The following OSBPL9 variants were observed in gnomAD, a reference collection of about 807,000 sequenced individuals.
OSBPL9 encodes oxysterol-binding protein-related protein 9.
Under a neutral mutation model 106.6 loss-of-function variants are expected in OSBPL9, and 40 were observed. That is an observed-to-expected ratio of 0.38 (90% CI 0.29 to 0.49). The LOEUF (loss-of-function observed/expected upper bound fraction) is 0.49, where lower values mean the gene tolerates loss of function less well. Among genes scored for constraint, OSBPL9 ranks in the 20% least tolerant of loss-of-function variants. The pLI, the probability that OSBPL9 is intolerant of heterozygous loss-of-function variation, is 0.97. For synonymous variants in OSBPL9, 269 were observed against 295.4 expected, an observed-to-expected ratio of 0.91 and a Z score of 0.92; for missense variants, 609 against 887.2, an observed-to-expected ratio of 0.69 and a Z score of 3.98.
At chr1:51,616,965 G>GT, upstream of OSBPL9, 1 of 1,463,336 alleles carries the variant, frequency 6.8e-7, no homozygotes, top group South Asian at 1.4e-5. Flanking sequence ...AAGAAAGCGT[G>GT]TTTGACTTGA....
chr1:51,539,635 G>A, the OSBPL9 span, among the ~76,000 whole-genome samples: 5 of 152,108 alleles, frequency 3.3e-5, no homozygotes, highest in African/African-American at 1.2e-4. Flanking sequence ...ACAACTCCAT[G>A]AAGTAAAACC....
intron 1 of OSBPL9, among the ~76,000 whole-genome samples, chr1:51,617,895 A>G (rs991310402): frequency 2.6e-5 from 4 of 152,156 alleles, no homozygotes; most frequent in African/African-American, 4.8e-5. Flanking sequence ...GTGATAGTGC[A>G]GTGTCCCCTT....
chr1:51,721,681 A>G (rs1452052300), intron 4 of OSBPL9, among the ~76,000 whole-genome samples: 1 of 152,186 alleles, frequency 6.6e-6, no homozygotes, highest in Non-Finnish European at 1.5e-5. Flanking sequence ...TTCTCAGTAT[A>G]TAAGGATCGG....
At chr1:51,759,111 G>T (rs1256267671) in intron 9 of OSBPL9, among the ~76,000 whole-genome samples, 2 of 144,064 alleles carry the variant, frequency 1.4e-5, no homozygotes, top group African/African-American at 5.1e-5. Flanking sequence ...TTTCTTAGTT[G>T]TTTTTTTTTT....
chr1:51,745,759 A>G (rs1667845475), intron 5 of OSBPL9, 128 bp downstream of exon 5: 1 of 1,146,680 alleles, frequency 8.7e-7, no homozygotes, highest in East Asian at 3.0e-5. Flanking sequence ...TTTTTAAAGC[A>G]GACTTAAAAG....
chr1:51,702,357 G>T (rs1657464823), intron 3 of OSBPL9, among the ~76,000 whole-genome samples: 1 of 152,022 alleles, frequency 6.6e-6, no homozygotes, highest in African/African-American at 2.4e-5. Context: ...GTGTGAGATG[G>T]TATCTCATTG....
At chr1:51,722,838 G>C (rs970467077) in intron 4 of OSBPL9, among the ~76,000 whole-genome samples, 1 of 152,164 alleles carries the variant, frequency 6.6e-6, no homozygotes, top group Non-Finnish European at 1.5e-5. Context: ...TGAGACTTCT[G>C]GGAACCAGTC....
chr1:51,740,772 C>G (rs1242714184), intron 4 of OSBPL9, among the ~76,000 whole-genome samples: 3 of 152,108 alleles, frequency 2.0e-5, no homozygotes, highest in Non-Finnish European at 4.4e-5. Flanking sequence ...ACCTTATTCT[C>G]GGTTCCTCAG....
intron 1 of OSBPL9, among the ~76,000 whole-genome samples, chr1:51,589,086 T>C (rs1645260797): frequency 7.0e-6 from 1 of 142,984 alleles, no homozygotes; most frequent in South Asian, 2.2e-4. Context: ...TTTCTTTTTC[T>C]TTTCTTTTCT....
the OSBPL9 span, among the ~76,000 whole-genome samples, chr1:51,559,844 T>C: frequency 2.2e-4 from 32 of 148,776 alleles, no homozygotes; most frequent in Admixed American, 2.0e-3. Flanking sequence ...TCCTTATGTA[T>C]TAAAAAGAGA....
chr1:51,671,564 A>T (rs1041620873), intron 3 of OSBPL9, among the ~76,000 whole-genome samples: 1 of 152,234 alleles, frequency 6.6e-6, no homozygotes, highest in Admixed American at 6.5e-5. Context: ...TACAAAACAG[A>T]TAAAATTCCT....
At chr1:51,671,085 G>A (rs945926609) in intron 3 of OSBPL9, among the ~76,000 whole-genome samples, 2 of 152,196 alleles carry the variant, frequency 1.3e-5, no homozygotes, top group Admixed American at 6.5e-5. Flanking sequence ...GGATTTAAAT[G>A]ATAAGAGTTA....
chr1:51,723,207 G>C (rs1172077584), intron 4 of OSBPL9, among the ~76,000 whole-genome samples: 18 of 152,138 alleles, frequency 1.2e-4, no homozygotes, highest in Admixed American at 1.2e-3. Flanking sequence ...TGTTGTGTAT[G>C]GGTTTGGTCG....
chr1:51,689,359 T>C (rs1654497761), intron 3 of OSBPL9, among the ~76,000 whole-genome samples: 2 of 151,240 alleles, frequency 1.3e-5, no homozygotes, highest in South Asian at 4.2e-4. Flanking sequence ...CTAACAGGCA[T>C]TTTTTTTTCT....
intron 1 of OSBPL9, among the ~76,000 whole-genome samples, chr1:51,617,936 G>A (rs1296898635): frequency 6.6e-6 from 1 of 151,922 alleles, no homozygotes; most frequent in Non-Finnish European, 1.5e-5. Flanking sequence ...GGGCTTCACT[G>A]TTGTTAACAT....
At chr1:51,519,405 T>TGCCCGCCCGCCTGCCCGCCC in the OSBPL9 span, 1 of 207,466 alleles carries the variant, frequency 4.8e-6, no homozygotes, top group Non-Finnish European at 9.8e-6. Context: ...CCCGCCCGCC[T>TGCCCGCCCGCCTGCCCGCCC]GCCCGCCCGC....
intron 1 of OSBPL9, among the ~76,000 whole-genome samples, chr1:51,625,958 T>C (rs1195919160): frequency 6.6e-6 from 1 of 152,230 alleles, no homozygotes. Flanking sequence ...CACATGACAA[T>C]GTTAAAATTA....
chr1:51,705,399 ATTTT>A (rs869169566), intron 3 of OSBPL9, among the ~76,000 whole-genome samples: 7 of 40,442 alleles, frequency 1.7e-4, no homozygotes, highest in Admixed American at 4.6e-4. Flanking sequence ...ATATATATAT[ATTTT>A]TTTTTTTTTT....
At chr1:51,777,012 C>T (rs1675238588) in intron 15 of OSBPL9, 94 bp downstream of exon 15, 1 of 960,444 alleles carries the variant, frequency 1.0e-6, no homozygotes, top group African/African-American at 1.6e-5. Context: ...TTCCTTGTCA[C>T]CTTTCAAACA....
Sources: gnomAD v4.1 joint callset for allele counts (sites outside exome capture counted in the v4.1 genomes callset) on GRCh38, gnomAD v4.1.1 for gene constraint, MANE v1.5 for transcripts, NCBI Gene and HGNC (gene_info 2026-07-23, HGNC 2026-07-21) for gene names.